Variants in CTDP1 observed in about 807,000 individuals in gnomAD.
CTDP1 encodes the protein RNA polymerase II subunit A C-terminal domain phosphatase.
CTDP1 carries 47 observed loss-of-function variants against 91.8 expected under a neutral mutation model. The ratio of observed to expected loss-of-function variants is 0.51; its 90% confidence interval spans 0.41 to 0.65. The LOEUF is 0.65. Ranked by LOEUF, CTDP1 falls within the 30% of genes least tolerant of loss-of-function variation. The pLI is 0.00. For missense variants in CTDP1, 1,272 were observed against 1,373.7 expected, an observed-to-expected ratio of 0.93 and a Z score of 1.17; for synonymous variants, 656 against 598.5, an observed-to-expected ratio of 1.10 and a Z score of -1.40.
At chr18:79,684,612 C>A (rs537440639) in intron 1 of CTDP1, among the ~76,000 whole-genome samples, 3 of 147,274 alleles carry the variant, frequency 2.0e-5, no homozygotes, top group Admixed American at 1.3e-4. Flanking sequence ...TCGTTGCCTG[C>A]GTTGTTGTCA....
intron 10 of CTDP1, among the ~76,000 whole-genome samples, chr18:79,723,552 C>T (rs1453648569): frequency 6.6e-6 from 1 of 152,084 alleles, no homozygotes; most frequent in East Asian, 1.9e-4. Flanking sequence ...TCACTGGGGA[C>T]CTGGGGGTGA....
In CTDP1 at chr18:79,717,946, A is replaced by G; in HGVS notation, c.2347A>G (p.Arg783Gly). 3.7e-6 allele frequency: 6 copies of G among 1,613,520 alleles called. No homozygotes were observed. Among genetic ancestry groups the G allele is most frequent in the East Asian group, 2.2e-5 (1 of 44,868 alleles). ...IYDSNTGKLI[R>G]TGARGPPAPS... ...CGACTCCAACACGGGGAAGCTCATCAGGACGGGCGCCCGGGGGCCCCCAGC... is the reference window on the plus strand; with the variant it reads ...CGACTCCAACACGGGGAAGCTCATCGGGACGGGCGCCCGGGGGCCCCCAGC... Residue 783 changes from arginine (R) to glycine (G), a missense_variant, in exon 10 of 13, where the codon AGG becomes GGG. Physicochemically the swap from Arg to Gly is moderately radical, Grantham distance 125. Transcript: ENST00000613122.
rs1304769996 is a variant in CTDP1, at chr18:79,722,889, T to A, written c.2417+4873T>A. On this transcript the variant is annotated intron_variant, in intron 10 of 12. Transcript: ENST00000613122. ...TGGGCCTGTGTGGATTGGCCACGCC[T>A]CTGGTCCCACCCTCCCTTTTCTCCG... Among the ~76,000 whole-genome samples, 13 of 152,298 alleles carry A rather than the reference T, an allele frequency of 8.5e-5. No individual in the cohort carries two copies. The East Asian group carries it at 2.1e-3, about 25-fold the overall frequency.
rs1318538443 is a variant in CTDP1, at chr18:79,714,663, A to G, written c.1203A>G (p.Pro401=). 1 of 1,611,860 alleles carries G rather than the reference A, an allele frequency of 6.2e-7. No individual in the cohort carries two copies. Among genetic ancestry groups the G allele is most frequent in the Non-Finnish European group, 8.5e-7 (1 of 1,179,560 alleles). Reference sequence around the variant, plus strand: ...GGGACTCACCCCGCCCCGGGAAGCCAGACGAGAGGGACATCTGGCCCCCTG... The same window carrying G: ...GGGACTCACCCCGCCCCGGGAAGCCGGACGAGAGGGACATCTGGCCCCCTG... The part of the protein sequence containing the change: ...TPRDSPRPGK[P]DERDIWPPAQ... The change falls in exon 8 of 13, where the codon CCA becomes CCG. Residue 401 remains proline, a synonymous_variant. Transcript: ENST00000613122.
chr18:79,694,401 G>A lies in CTDP1; in HGVS notation c.315-824G>A, dbSNP rs1366286028. Among the ~76,000 whole-genome samples, 222 of 96,538 alleles carry A rather than the reference G, an allele frequency of 2.3e-3. 14 individuals are homozygous for A. The highest frequency in any genetic ancestry group is 6.7e-3 in the African/African-American group (204 of 30,524). 63.3% of individuals were successfully genotyped at this position (96,538 alleles called of 152,430 possible). On this transcript the variant is annotated intron_variant, in intron 1 of 12. Transcript: ENST00000613122. ...GAGTGCCGGGCAGCCTCGTGTCCGC[G>A]GGGCGCGGTGGTCGGAGCAGCCCGG...
intron 1 of CTDP1, 64 bp downstream of exon 1, chr18:79,680,325 C>A: frequency 8.3e-7 from 1 of 1,210,870 alleles, no homozygotes; most frequent in Non-Finnish European, 1.0e-6. Context: ...CTGGAGGACC[C>A]CCGGGCTGCT....
At chr18:79,704,555 C>T (rs2085926067) in intron 4 of CTDP1, among the ~76,000 whole-genome samples, 1 of 152,226 alleles carries the variant, frequency 6.6e-6, no homozygotes. Context: ...TCCTCTGTCC[C>T]ATGTGGAGGG....
At chr18:79,742,209 G>A (rs1599312088) in intron 12 of CTDP1, among the ~76,000 whole-genome samples, 1 of 144,174 alleles carries the variant, frequency 6.9e-6, no homozygotes, top group Non-Finnish European at 1.5e-5. Flanking sequence ...AGAGAGAGAG[G>A]CCTGGCACCA....
chr18:79,736,816 G>T (rs2086678254), intron 12 of CTDP1, among the ~76,000 whole-genome samples: 4 of 150,922 alleles, frequency 2.7e-5, no homozygotes, highest in Admixed American at 2.6e-4. Context: ...TGTGGTGGGG[G>T]TATGCACGTG....
chr18:79,686,922 A>T (rs1403825754), intron 1 of CTDP1, among the ~76,000 whole-genome samples: 2 of 139,336 alleles, frequency 1.4e-5, no homozygotes, highest in African/African-American at 5.6e-5. Flanking sequence ...GCACCGCAGC[A>T]GTTGGCTTCT....
intron 1 of CTDP1, among the ~76,000 whole-genome samples, chr18:79,682,467 A>G (rs1599177890): frequency 6.6e-6 from 1 of 152,270 alleles, no homozygotes; most frequent in African/African-American, 2.4e-5. Flanking sequence ...TAAAGCCAAC[A>G]GTGATGGATT....
rs2085934168 is a variant in CTDP1 at position 79,704,843 on chromosome 18, TG to T, written c.700del (p.Glu234ArgfsTer27). 1.2e-6 allele frequency: 2 copies of T among 1,613,960 alleles called. No individual in the cohort carries two copies. Among genetic ancestry groups the T allele is most frequent in the Non-Finnish European group, 1.7e-6 (2 of 1,180,048 alleles). On this transcript the variant is annotated frameshift_variant, in exon 5 of 13. Coordinates refer to ENST00000613122, the MANE Select transcript of CTDP1 (RefSeq NM_004715.5). LOFTEE classifies it high-confidence loss of function. ...TRLRPHCKDF[L>X]EKIAKLYELH... ...CTGCGTCCACACTGCAAGGACTTCC[TG>T]GAGAAGATCGCCAAGCTGTACGAGC...
intron 10 of CTDP1, among the ~76,000 whole-genome samples, chr18:79,720,118 G>A (rs1172278727): frequency 6.9e-6 from 1 of 144,308 alleles, no homozygotes; most frequent in Admixed American, 7.0e-5. Context: ...CATTAGGAAG[G>A]CATCCTGGTG....
intron 4 of CTDP1, among the ~76,000 whole-genome samples, chr18:79,700,778 T>C (rs1196843291): frequency 6.6e-6 from 1 of 152,144 alleles, no homozygotes; most frequent in Non-Finnish European, 1.5e-5. Context: ...GTCTAGGACT[T>C]TCATAGCTGG....
intron 8 of CTDP1, 30 bp from the exon 9 acceptor site, chr18:79,717,505 A>T: frequency 6.2e-7 from 1 of 1,610,766 alleles, no homozygotes; most frequent in Admixed American, 1.7e-5. Flanking sequence ...TGCTGGCCGG[A>T]ACAGCCTGAC....
chr18:79,745,130 C>T (rs1223850566), intron 12 of CTDP1, among the ~76,000 whole-genome samples: 1 of 152,174 alleles, frequency 6.6e-6, no homozygotes, highest in Non-Finnish European at 1.5e-5. Context: ...CATGTAAGTT[C>T]ATGTGAGTTT....
intron 1 of CTDP1, chr18:79,680,761 G>T (rs1310503571): frequency 6.6e-6 from 1 of 152,632 alleles, no homozygotes; most frequent in African/African-American, 2.4e-5. Context: ...GGCCTGCAGC[G>T]AAGGCAGTAG....
At chr18:79,723,523 G>A (rs2086387207) in intron 10 of CTDP1, among the ~76,000 whole-genome samples, 1 of 152,204 alleles carries the variant, frequency 6.6e-6, no homozygotes, top group African/African-American at 2.4e-5. Flanking sequence ...CCTTTTTGGT[G>A]CTGGGCTGGC....
chr18:79,723,139 A>C lies in CTDP1; in HGVS notation c.2417+5123A>C, dbSNP rs370072239. Among the ~76,000 whole-genome samples the C allele has an allele frequency of 9.2e-4, 140 of 152,312 alleles. No individual in the cohort carries two copies. In the South Asian group the frequency reaches 0.017, roughly 19 times the overall value. ...GCAGCCACCCTCACACGCTTGCAAC[A>C]GCACTGGTGCCCTGCAGCCCAGTTC... On this transcript the variant is annotated intron_variant, in intron 10 of 12. Transcript: ENST00000613122.
Sources: allele counts gnomAD v4.1 joint callset (sites outside exome capture counted in the v4.1 genomes callset), GRCh38; gene constraint gnomAD v4.1.1; transcripts MANE v1.5; gene names NCBI Gene and HGNC (gene_info 2026-07-23, HGNC 2026-07-21).